The following WWOX variants were observed in gnomAD, a reference collection of about 807,000 sequenced individuals.
WWOX encodes the protein WW domain containing oxidoreductase.
Under a neutral mutation model 46.2 loss-of-function variants are expected in WWOX, and 69 were observed. The ratio of observed to expected loss-of-function variants is 1.49; its 90% CI spans 1.23 to 1.82. The LOEUF (loss-of-function observed/expected upper bound fraction) is 1.82. Among genes scored for constraint, WWOX ranks in the 40% most tolerant of loss-of-function variants. The pLI, the probability that WWOX is intolerant of heterozygous loss-of-function variation, is 0.00. For synonymous variants in WWOX, 359 were observed against 202.6 expected (o/e 1.77, Z -6.56); for missense variants, 919 against 542.6 (o/e 1.69, Z -6.89).
chr16:78,648,688 C>T (rs1597392934), intron 8 of WWOX, among the ~76,000 whole-genome samples: 1 of 152,178 alleles, frequency 6.6e-6, no homozygotes, highest in Non-Finnish European at 1.5e-5. Flanking sequence ...CTCCGGCTTC[C>T]CCATGTCCAC....
At chr16:78,747,222 G>A (rs150441654) in intron 8 of WWOX, among the ~76,000 whole-genome samples, 149 of 141,000 alleles carry the variant, frequency 1.1e-3, no homozygotes, top group African/African-American at 3.7e-3. Flanking sequence ...ATGGAGTCTC[G>A]CTCTTGTCAT....
At chr16:78,435,737 G>A (rs1419785111) in intron 8 of WWOX, among the ~76,000 whole-genome samples, 1 of 152,136 alleles carries the variant, frequency 6.6e-6, no homozygotes, top group Admixed American at 6.5e-5. Flanking sequence ...TCCTGCTAAT[G>A]GTGCTGATGG....
rs181122670 is a variant in WWOX, at chr16:78,768,526, G to T, written c.1056+335774G>T. ...AATCACTTGAACTTGGGAGGCAAAG[G>T]TTGCAGTGAGCGGAGACTGCGCCGC... On this transcript the variant is annotated intron_variant, in intron 8 of 8. Transcript: ENST00000566780. 6.6e-3 allele frequency among the ~76,000 whole-genome samples: 1,002 copies of T among 151,810 alleles called. 2 individuals are homozygous for T. Among genetic ancestry groups the T allele is most frequent in the Non-Finnish European group, 9.3e-3 (631 of 67,982 alleles).
At chr16:78,930,188 C>T (rs902400410) in intron 8 of WWOX, among the ~76,000 whole-genome samples, 8 of 148,394 alleles carry the variant, frequency 5.4e-5, no homozygotes, top group Non-Finnish European at 1.0e-4. Context: ...TTACACCATA[C>T]CCCAGAGCCT....
chr16:79,024,322 A>G (rs370080738), intron 8 of WWOX, among the ~76,000 whole-genome samples: 1 of 152,206 alleles, frequency 6.6e-6, no homozygotes, highest in African/African-American at 2.4e-5. Context: ...GCAGTGGCAC[A>G]GTCACAGCTC....
intron 8 of WWOX, among the ~76,000 whole-genome samples, chr16:79,135,887 G>A (rs1015247316): frequency 4.6e-5 from 7 of 151,760 alleles, no homozygotes; most frequent in East Asian, 1.9e-4. Context: ...CCATATTCTC[G>A]GTCCAGCTTT....
intron 8 of WWOX, among the ~76,000 whole-genome samples, chr16:78,725,393 G>C (rs923706509): frequency 8.2e-6 from 1 of 121,914 alleles, no homozygotes; most frequent in African/African-American, 3.3e-5. Flanking sequence ...TGTTGCCTAG[G>C]CTGGAGTGCA....
At chr16:78,594,241 G>C (rs976024698) in intron 8 of WWOX, among the ~76,000 whole-genome samples, 2 of 152,124 alleles carry the variant, frequency 1.3e-5, no homozygotes, top group South Asian at 4.2e-4. Context: ...GTTTGTGTGT[G>C]CATCAATTCA....
At chr16:79,126,021 C>G (rs1012782569) in intron 8 of WWOX, among the ~76,000 whole-genome samples, 2 of 152,132 alleles carry the variant, frequency 1.3e-5, no homozygotes, top group Non-Finnish European at 2.9e-5. Flanking sequence ...TAGATGTTTA[C>G]TGAATGAATG....
chr16:78,967,726 CAGGACCTGACTTAGG>C lies in WWOX; in HGVS notation c.1057-243876_1057-243862del, dbSNP rs753279901. Among the ~76,000 whole-genome samples the C allele has an allele frequency of 2.5e-4, 38 of 152,234 alleles. 1 individual carries two copies. The highest frequency in any genetic ancestry group is 3.4e-3 in the Middle Eastern group (1 of 294). On this transcript the variant is annotated intron_variant, in intron 8 of 8. Transcript: ENST00000566780. ...AGGATGAAGGATCACCATGAACGGT[CAGGACCTGACTTAGG>C]AGGACTCAGAAGCTGGAGACTGCAG...
chr16:78,973,330 G>A (rs999577307), intron 8 of WWOX, among the ~76,000 whole-genome samples: 17 of 152,116 alleles, frequency 1.1e-4, no homozygotes, highest in African/African-American at 3.6e-4. Context: ...GGAGACAGCC[G>A]GGTAGACTGG....
intron 8 of WWOX, among the ~76,000 whole-genome samples, chr16:79,072,527 T>C (rs897390944): frequency 5.9e-5 from 9 of 152,224 alleles, no homozygotes; most frequent in African/African-American, 2.2e-4. Flanking sequence ...TTCATCTAGA[T>C]CTCATTAATC....
rs76139939 is a variant in WWOX at position 78,235,738 on chromosome 16, G to A, written c.516+71449G>A. 3.5e-4 allele frequency among the ~76,000 whole-genome samples: 53 copies of A among 152,284 alleles called. No homozygotes were observed. The East Asian group carries it at 8.1e-3, about 23-fold the overall frequency. On this transcript the variant is annotated intron_variant, in intron 5 of 8. Coordinates refer to ENST00000566780, the MANE Select transcript of WWOX (RefSeq NM_016373.4). ...ACCCTGTTTACAAGGCTGTCCTCACGTCATGGGCGCTCATATTGTCCAGAC... is the reference window on the plus strand; with the variant it reads ...ACCCTGTTTACAAGGCTGTCCTCACATCATGGGCGCTCATATTGTCCAGAC...
intron 5 of WWOX, among the ~76,000 whole-genome samples, chr16:78,246,577 C>T (rs546032719): frequency 1.3e-5 from 2 of 152,180 alleles, no homozygotes; most frequent in African/African-American, 4.8e-5. Context: ...GTTTTTATGT[C>T]AGTTAAACCA....
intron 6 of WWOX, among the ~76,000 whole-genome samples, chr16:78,406,715 CT>C (rs1377265428): frequency 2.0e-5 from 3 of 151,652 alleles, no homozygotes; most frequent in Non-Finnish European, 2.9e-5. Flanking sequence ...CAACCTCCTC[CT>C]CCGGGGTTCA....
At chr16:78,563,246 T>G (rs1462773433) in intron 8 of WWOX, among the ~76,000 whole-genome samples, 2 of 152,182 alleles carry the variant, frequency 1.3e-5, no homozygotes, top group African/African-American at 4.8e-5. Flanking sequence ...TGACAATACT[T>G]TCCTTTCAGT....
At chr16:78,673,319 T>G (rs533194341) in intron 8 of WWOX, among the ~76,000 whole-genome samples, 1 of 152,342 alleles carries the variant, frequency 6.6e-6, no homozygotes, top group African/African-American at 2.4e-5. Flanking sequence ...CCCAGTCTCT[T>G]TCTCTGAGTA....
In WWOX at chr16:78,521,626, T is replaced by G. The variant is rs117269914; in HGVS notation, c.1056+88874T>G. On this transcript the variant is annotated intron_variant, in intron 8 of 8. Coordinates refer to ENST00000566780, the MANE Select transcript of WWOX (RefSeq NM_016373.4). ...ATATATATAAATTCTGAGTAAGTATTAACCAAAGAAATGGAACATCAATAT... is the reference window on the plus strand; with the variant it reads ...ATATATATAAATTCTGAGTAAGTATGAACCAAAGAAATGGAACATCAATAT... Among the ~76,000 whole-genome samples, 543 of 152,364 alleles carry G rather than the reference T, an allele frequency of 3.6e-3. 12 individuals are homozygous for G. Among genetic ancestry groups the G allele is most frequent in the East Asian group, 0.035 (184 of 5,190 alleles).
intron 8 of WWOX, among the ~76,000 whole-genome samples, chr16:78,951,089 C>T (rs186235871): frequency 1.3e-5 from 2 of 152,254 alleles, no homozygotes; most frequent in Admixed American, 6.5e-5. Context: ...TTTTATTTTC[C>T]ATTGCCAGTA....
Sources: allele counts gnomAD v4.1 joint callset (sites outside exome capture counted in the v4.1 genomes callset), GRCh38; gene constraint gnomAD v4.1.1; transcripts MANE v1.5; gene names NCBI Gene and HGNC (gene_info 2026-07-23, HGNC 2026-07-21).